Variants in EXOSC7 observed in about 807,000 individuals in gnomAD.
The protein encoded by EXOSC7 is exosome component 7.
Under a neutral mutation model 34.3 loss-of-function variants are expected in EXOSC7, and 25 were observed. That is an observed-to-expected ratio of 0.73 (90% CI 0.53 to 1.02). EXOSC7 has a LOEUF of 1.02. EXOSC7 is among the 50% of genes least tolerant of loss of function. The probability of loss-of-function intolerance (pLI) is 0.00; values close to 1 mark genes in which losing one functional copy is unlikely to be tolerated. For missense variants in EXOSC7, 370 were observed against 368.5 expected (o/e 1.00, Z -0.03); for synonymous variants, 130 against 143.0 (o/e 0.91, Z 0.65).
chr3:45,005,781 C>T (rs1707020276), intron 6 of EXOSC7, among the ~76,000 whole-genome samples: 1 of 152,036 alleles, frequency 6.6e-6, no homozygotes, highest in Non-Finnish European at 1.5e-5. Context: ...GAACACTGTC[C>T]CCCCTATGAA....
intron 3 of EXOSC7, among the ~76,000 whole-genome samples, chr3:44,994,131 G>A (rs933075646): frequency 3.9e-4 from 59 of 151,794 alleles, no homozygotes; most frequent in Non-Finnish European, 1.8e-4. Context: ...ACCTCTCTGT[G>A]ACTCAGTTTT....
At position 45,007,582 on chromosome 3, in the gene EXOSC7, C is replaced by T. The variant is rs762159320; in HGVS notation, c.771+7C>T. Reference sequence around the variant, plus strand: ...CATCTTCGAGATGATGGAGGTGAGGCCTTAGTTCTGAGGAAGGTGCAGGGA... The same window carrying T: ...CATCTTCGAGATGATGGAGGTGAGGTCTTAGTTCTGAGGAAGGTGCAGGGA... On this transcript the variant is annotated splice_region_variant and intron_variant, in intron 7 of 7. Coordinates refer to ENST00000265564, the MANE Select transcript of EXOSC7 (RefSeq NM_015004.4). The T allele has an allele frequency of 5.0e-6, 8 of 1,598,144 alleles. No homozygotes were observed. Among genetic ancestry groups the T allele is most frequent in the Middle Eastern group, 1.7e-4 (1 of 5,998 alleles).
chr3:45,006,574 G>A (rs913598273), intron 6 of EXOSC7, among the ~76,000 whole-genome samples: 5 of 149,258 alleles, frequency 3.3e-5, no homozygotes, highest in Admixed American at 1.3e-4. Context: ...CCGCCACCGC[G>A]CCTGGCTAAT....
chr3:44,983,520 G>A (rs970379000), intron 1 of EXOSC7, among the ~76,000 whole-genome samples: 1 of 152,176 alleles, frequency 6.6e-6, no homozygotes, highest in Non-Finnish European at 1.5e-5. Flanking sequence ...GAAGGTGGCT[G>A]TTTCCACCAC....
chr3:45,007,269 T>G lies in EXOSC7; in HGVS notation c.616-151T>G. On this transcript the variant is annotated intron_variant, in intron 6 of 7. Coordinates refer to ENST00000265564, the MANE Select transcript of EXOSC7 (RefSeq NM_015004.4). ...GAGAATTGTTGAACAATCCCTCAGC[T>G]GTTTTCCTCGTGAGCAGAATCTAAA... 4.0e-6 allele frequency: 3 copies of G among 748,520 alleles called. No homozygotes were observed. In the South Asian group the frequency reaches 5.6e-5, roughly 14 times the overall value. 46.4% of individuals were successfully genotyped at this position (748,520 alleles called of 1,614,324 possible).
At chr3:45,008,074 AGT>A (rs1707105056) in intron 7 of EXOSC7, among the ~76,000 whole-genome samples, 2 of 152,282 alleles carry the variant, frequency 1.3e-5, no homozygotes, top group South Asian at 4.1e-4. Flanking sequence ...GACCCACTGG[AGT>A]TGGGTTGGGT....
Position 45,005,404 on chromosome 3 carries a change from C to G in EXOSC7, c.605C>G (p.Thr202Ser), listed in dbSNP as rs766608807. The part of the protein sequence containing the change: ...LSVENVPCIV[T>S]LCKIGYRHVV... ...GTGGAGAATGTCCCCTGCATTGTCA[C>G]TCTGTGCAAGGTATAACTTGTATTT... The change falls in exon 6 of 8, where the codon ACT becomes AGT. Residue 202 changes from threonine to serine, a missense_variant. By Grantham distance (58) the Thr-to-Ser change is moderately conservative. This residue lies in a region of EXOSC7 where 255 missense variants were observed against 246.4 expected (regional missense o/e 1.03). Coordinates refer to ENST00000265564, the MANE Select transcript of EXOSC7 (RefSeq NM_015004.4). The G allele has an allele frequency of 6.2e-7, 1 of 1,614,130 alleles. No individual in the cohort carries two copies. Among genetic ancestry groups the G allele is most frequent in the Non-Finnish European group, 8.5e-7 (1 of 1,179,996 alleles).
At chr3:44,985,077 G>C (rs1036066632) in intron 1 of EXOSC7, among the ~76,000 whole-genome samples, 6 of 152,222 alleles carry the variant, frequency 3.9e-5, no homozygotes, top group Non-Finnish European at 5.9e-5. Flanking sequence ...ACCTTTCTGG[G>C]CTGGGTATTC....
chr3:44,999,125 CAGTT>C (rs1375207630), intron 4 of EXOSC7, among the ~76,000 whole-genome samples: 2 of 152,054 alleles, frequency 1.3e-5, no homozygotes, highest in Admixed American at 6.6e-5. Context: ...TTGATTCAGT[CAGTT>C]AAAGTCAAAG....
At chr3:45,009,552 GC>G (rs1230571245) in intron 7 of EXOSC7, among the ~76,000 whole-genome samples, 3 of 150,708 alleles carry the variant, frequency 2.0e-5, no homozygotes, top group Non-Finnish European at 4.4e-5. Context: ...CTTTCCAAAG[GC>G]CCTTTTTTTT....
At chr3:44,989,674 A>C (rs1162685275) in intron 3 of EXOSC7, 30 bp downstream of exon 3, 35 of 1,507,446 alleles carry the variant, frequency 2.3e-5, no homozygotes, top group Non-Finnish European at 3.1e-5. Context: ...ATATTTCTAA[A>C]GATAAATGAT....
In EXOSC7 at chr3:45,006,068, C is replaced by CTTTTTT. The variant is rs34869939; in HGVS notation, c.615+678_615+683dup. 9.3e-4 allele frequency among the ~76,000 whole-genome samples: 44 copies of CTTTTTT among 47,296 alleles called. 12 individuals carry two copies. The highest frequency in any genetic ancestry group is 2.9e-3 in the African/African-American group (35 of 11,948). The allele number at this position is 47,296 out of a possible 152,430, so 31.0% of individuals were successfully genotyped here. On this transcript the variant is annotated intron_variant, in intron 6 of 7. Coordinates refer to ENST00000265564, the MANE Select transcript of EXOSC7 (RefSeq NM_015004.4). ...AGGATGGCAGGATGTTGGGTCTTGGCTTTTTTTTTTTTTTTTTTTTTTTTT... is the reference window on the plus strand; with the variant it reads ...AGGATGGCAGGATGTTGGGTCTTGGCTTTTTTTTTTTTTTTTTTTTTTTTTTTTTTT...
At chr3:44,992,951 A>G (rs551476483) in intron 3 of EXOSC7, among the ~76,000 whole-genome samples, 3 of 152,204 alleles carry the variant, frequency 2.0e-5, no homozygotes, top group South Asian at 4.1e-4. Context: ...GATCTTAACT[A>G]TTTTTCAATG....
At chr3:45,001,373 G>A (rs1342145192) in intron 4 of EXOSC7, among the ~76,000 whole-genome samples, 165 bp from the exon 5 acceptor site, 1 of 151,884 alleles carries the variant, frequency 6.6e-6, no homozygotes, top group Non-Finnish European at 1.5e-5. Flanking sequence ...AACCTGGGAG[G>A]CAGAGGTTGC....
chr3:45,006,068 CTTTTT>C (rs34869939), intron 6 of EXOSC7, among the ~76,000 whole-genome samples: 53 of 47,278 alleles, frequency 1.1e-3, no homozygotes, highest in African/African-American at 3.1e-3. Flanking sequence ...TGGGTCTTGG[CTTTTT>C]TTTTTTTTTT....
At chr3:45,002,656 G>A (rs908003777) in intron 5 of EXOSC7, among the ~76,000 whole-genome samples, 3 of 152,076 alleles carry the variant, frequency 2.0e-5, no homozygotes, top group South Asian at 2.1e-4. Flanking sequence ...TTATTTTTCA[G>A]TGCTCATATT....
At chr3:45,002,055 C>T (rs1405361371) in intron 5 of EXOSC7, 2 of 154,142 alleles carry the variant, frequency 1.3e-5, no homozygotes, top group Non-Finnish European at 2.9e-5. Flanking sequence ...CATGTGTGTT[C>T]TAAAAGCAGG....
chr3:44,983,691 T>C (rs1312346931), intron 1 of EXOSC7, among the ~76,000 whole-genome samples: 1 of 152,222 alleles, frequency 6.6e-6, no homozygotes, highest in African/African-American at 2.4e-5. Flanking sequence ...TCTCTTGAGT[T>C]TTAAAATGGA....
At chr3:44,981,112 ACT>A (rs1706259931) in intron 1 of EXOSC7, among the ~76,000 whole-genome samples, 2 of 152,208 alleles carry the variant, frequency 1.3e-5, no homozygotes, top group East Asian at 1.9e-4. Context: ...TCTGAATCAG[ACT>A]CTCTGGGGCT....
Sources: allele counts gnomAD v4.1 joint callset (sites outside exome capture counted in the v4.1 genomes callset), GRCh38; gene constraint gnomAD v4.1.1; regional missense constraint gnomAD v4.1.1; transcripts MANE v1.5; gene names NCBI Gene and HGNC (gene_info 2026-07-23, HGNC 2026-07-21).